EIF3A: variants seen among roughly 807,000 people sequenced by gnomAD.
EIF3A encodes eukaryotic translation initiation factor 3 subunit A.
A neutral mutation model predicts 186.6 loss-of-function variants in EIF3A; 21 were observed. The observed-to-expected ratio is 0.11, with a 90% CI of 0.08 to 0.16. The LOEUF (loss-of-function observed/expected upper bound fraction) is 0.16. Among genes scored for constraint, EIF3A ranks in the 10% least tolerant of loss-of-function variants. The pLI is 1.00. For synonymous variants in EIF3A, 563 were observed against 584.3 expected, an observed-to-expected ratio of 0.96 and a Z score of 0.52; for missense variants, 1,306 against 1,796.3, an observed-to-expected ratio of 0.73 and a Z score of 4.93.
At chr10:119,077,412 C>A (rs902962483) in intron 1 of EIF3A, among the ~76,000 whole-genome samples, 1 of 152,132 alleles carries the variant, frequency 6.6e-6, no homozygotes, top group Non-Finnish European at 1.5e-5. Flanking sequence ...GATAGTGCCA[C>A]TGCACTCCAG....
intron 6 of EIF3A, among the ~76,000 whole-genome samples, chr10:119,066,241 G>A (rs1268947748): frequency 6.6e-6 from 1 of 152,026 alleles, no homozygotes; most frequent in East Asian, 1.9e-4. Flanking sequence ...AGGCGCAGTG[G>A]CTCACGCCTG....
chr10:119,056,264 G>A (rs775419018), intron 14 of EIF3A, among the ~76,000 whole-genome samples: 1 of 152,144 alleles, frequency 6.6e-6, no homozygotes, highest in African/African-American at 2.4e-5. Context: ...AGACAACACA[G>A]TACACAATTC....
At chr10:119,063,912 G>A (rs1038690718) in intron 7 of EIF3A, among the ~76,000 whole-genome samples, 2 of 152,116 alleles carry the variant, frequency 1.3e-5, no homozygotes, top group Admixed American at 6.6e-5. Flanking sequence ...GCAAAATCCC[G>A]TCTCCACTAA....
At chr10:119,048,254 AG>A (rs2119818454) in intron 17 of EIF3A, among the ~76,000 whole-genome samples, 1 of 152,286 alleles carries the variant, frequency 6.6e-6, no homozygotes, top group East Asian at 1.9e-4. Context: ...GAAGGTCTGA[AG>A]CTGGAGGAAG....
At chr10:119,058,359 G>A in intron 11 of EIF3A, 56 bp from the exon 12 acceptor site, 2 of 1,244,472 alleles carry the variant, frequency 1.6e-6, no homozygotes, top group Non-Finnish European at 1.1e-6. Context: ...TCTGGTATTA[G>A]GCATCAAAGA....
chr10:119,060,016 T>G (rs768929726), intron 9 of EIF3A: 1 of 516,698 alleles, frequency 1.9e-6, no homozygotes, highest in South Asian at 1.5e-5. Context: ...AGAATTTTTG[T>G]CTGAAGGAGA....
intron 1 of EIF3A, among the ~76,000 whole-genome samples, chr10:119,074,283 CG>C: frequency 6.6e-6 from 1 of 151,920 alleles, no homozygotes; most frequent in African/African-American, 2.4e-5. Flanking sequence ...CTGGCCAATA[CG>C]GTGAAACCCA....
In EIF3A at chr10:119,073,592, CA is replaced by C. The variant is rs773770119; in HGVS notation, c.241-16del. 1.2e-4 allele frequency: 185 copies of C among 1,604,616 alleles called. No individual in the cohort carries two copies. The highest frequency in any genetic ancestry group is 1.5e-4 in the Non-Finnish European group (176 of 1,177,200). Reference sequence around the variant, plus strand: ...TTTATGTTCACCTAATCCAAAAAAACAAAAACTCTTCAGAACTTATTTTTCC... The same window carrying C: ...TTTATGTTCACCTAATCCAAAAAAACAAAACTCTTCAGAACTTATTTTTCC... On this transcript the variant is annotated splice_polypyrimidine_tract_variant and intron_variant, in intron 2 of 21. Transcript: ENST00000369144.
intron 6 of EIF3A, among the ~76,000 whole-genome samples, chr10:119,066,308 A>G (rs1319651600): frequency 6.6e-6 from 1 of 151,682 alleles, no homozygotes; most frequent in Admixed American, 6.6e-5. Flanking sequence ...CACGAGTTCC[A>G]GACCAGCCTG....
intron 1 of EIF3A, among the ~76,000 whole-genome samples, chr10:119,076,167 C>T (rs942680945): frequency 6.6e-6 from 1 of 151,118 alleles, no homozygotes; most frequent in Non-Finnish European, 1.5e-5. Flanking sequence ...CTCGTCTCTA[C>T]TAAAAATACA....
At chr10:119,080,252 G>C (rs1300910601) in intron 1 of EIF3A, 1 of 938,446 alleles carries the variant, frequency 1.1e-6, no homozygotes, top group Admixed American at 6.2e-5. Context: ...CCCAGATGGC[G>C]GCCGGGGACG....
At position 119,038,459 on chromosome 10, in the gene EIF3A, A is replaced by G. The variant is rs1848165597; in HGVS notation, c.3527-20T>C. 2.5e-6 allele frequency: 4 copies of G among 1,570,322 alleles called. No individual in the cohort carries two copies. Among genetic ancestry groups the G allele is most frequent in the Non-Finnish European group, 2.6e-6 (3 of 1,156,528 alleles). On this transcript the variant is annotated intron_variant, in intron 19 of 21. Coordinates refer to ENST00000369144, the MANE Select transcript of EIF3A (RefSeq NM_003750.4). Reference sequence around the variant, plus strand: ...ATCCACCTGTTTTTTTGAAAAAGCAAAACATTTTTAAAATATTTTTAAAAG... The same window carrying G: ...ATCCACCTGTTTTTTTGAAAAAGCAGAACATTTTTAAAATATTTTTAAAAG...
rs201330936 is a variant in EIF3A, at chr10:119,036,316, A to G, written c.3920-48T>C. The G allele has an allele frequency of 3.4e-5, 42 of 1,235,414 alleles. 1 individual carries two copies. The African/African-American group carries it at 3.5e-4, about 10-fold the overall frequency. The allele number at this position is 1,235,414 out of a possible 1,614,324, so 76.5% of individuals were successfully genotyped here. Reference sequence around the variant, plus strand: ...AAAAATTAAGTTAGTACTATATTCTATTGGCTCAAATTACTCAAAATTCCT... The same window carrying G: ...AAAAATTAAGTTAGTACTATATTCTGTTGGCTCAAATTACTCAAAATTCCT... On this transcript the variant is annotated intron_variant, in intron 21 of 21. Coordinates refer to ENST00000369144, the MANE Select transcript of EIF3A (RefSeq NM_003750.4).
chr10:119,038,168 A>G (rs185718082), intron 20 of EIF3A, 70 bp downstream of exon 20: 1 of 1,383,552 alleles, frequency 7.2e-7, no homozygotes, highest in East Asian at 2.5e-5. Flanking sequence ...CCGCCCTCCC[A>G]AAGTGCTGGG....
chr10:119,076,185 A>C (rs1844169459), intron 1 of EIF3A, among the ~76,000 whole-genome samples: 1 of 151,438 alleles, frequency 6.6e-6, no homozygotes, highest in Non-Finnish European at 1.5e-5. Flanking sequence ...ACAAAAAATT[A>C]GCTGGGCCAT....
In EIF3A at chr10:119,038,323, C is replaced by A; in HGVS notation, c.3643G>T (p.Asp1215Tyr). ...GGGTCCTTGTCATTCTCCTCCCGAT[C>A]TTGATTATCTCTGTCCCTTTCTTTT... is the stretch of plus-strand genomic sequence containing the variant. ...REKERDRDNQ[D>Y]REENDKDPER... is the part of the protein sequence containing the mutation. Residue 1215 changes from aspartate (D) to tyrosine (Y), a missense_variant, in exon 20 of 22, where the codon GAT (aspartate) becomes TAT (tyrosine). Physicochemically the swap from Asp to Tyr is radical, Grantham distance 160. Around this residue, in one of 8 missense-constraint regions of EIF3A, gnomAD observed 331 missense variants for 365.8 expected, o/e 0.90. Transcript: ENST00000369144. 1 of 1,614,156 alleles carries A rather than the reference C, an allele frequency of 6.2e-7. No homozygotes were observed. Among genetic ancestry groups the A allele is most frequent in the Non-Finnish European group, 8.5e-7 (1 of 1,180,016 alleles).
At position 119,069,616 on chromosome 10, in the gene EIF3A, G is replaced by A. The variant is rs1844038850; in HGVS notation, c.780C>T (p.Phe260=). The change falls in exon 6 of 22, where the codon TTC becomes TTT. Residue 260 remains phenylalanine (F), a synonymous_variant. Coordinates refer to ENST00000369144, the MANE Select transcript of EIF3A (RefSeq NM_003750.4). ...FKAVEDIHGL[F]SLSKKPPKPQ... The stretch of plus-strand genomic sequence containing the variant: ...GTTTAGGTGGTTTTTTAGACAAGGA[G>A]AATAGCCCGTGAATATCTTCCACAG... The A allele has an allele frequency of 2.5e-6, 4 of 1,597,014 alleles. No homozygotes were observed. In the South Asian group the frequency reaches 3.3e-5, roughly 13 times the overall value.
intron 17 of EIF3A, 39 bp downstream of exon 17, chr10:119,049,762 A>T (rs1192625558): frequency 1.3e-6 from 2 of 1,555,060 alleles, no homozygotes; most frequent in Admixed American, 3.8e-5. Context: ...AAAAAAAGTC[A>T]CATTAAAACA....
In EIF3A at chr10:119,069,609, A is replaced by G. The variant is rs1249115341; in HGVS notation, c.787T>C (p.Ser263Pro). The G allele has an allele frequency of 6.2e-7, 1 of 1,602,168 alleles. No individual in the cohort carries two copies. The highest frequency in any genetic ancestry group is 8.6e-7 in the Non-Finnish European group (1 of 1,169,240). ...AACTGAGGTTTAGGTGGTTTTTTAG[A>G]CAAGGAGAATAGCCCGTGAATATCT... is the stretch of plus-strand genomic sequence containing the variant. ...VEDIHGLFSL[S>P]KKPPKPQLMA... The change falls in exon 6 of 22, where the codon TCT becomes CCT. Residue 263 changes from serine to proline, a missense_variant. Ser to Pro is a moderately conservative substitution (Grantham distance 74). Transcript: ENST00000369144.
Sources: allele counts gnomAD v4.1 joint callset (sites outside exome capture counted in the v4.1 genomes callset), GRCh38; gene constraint gnomAD v4.1.1; regional missense constraint gnomAD v4.1.1; transcripts MANE v1.5; gene names NCBI Gene and HGNC (gene_info 2026-07-23, HGNC 2026-07-21).